The following CLDN10 variants were observed in gnomAD, a reference collection of about 807,000 sequenced individuals.
CLDN10 encodes claudin-10.
Under a neutral mutation model 22.9 loss-of-function variants are expected in CLDN10, and 15 were observed. The ratio of observed to expected loss-of-function variants is 0.65; its 90% CI spans 0.44 to 1.01. The LOEUF is 1.01. CLDN10 is among the 50% of genes least tolerant of loss of function. The probability of loss-of-function intolerance (pLI) is 0.00; values close to 1 mark genes in which losing one functional copy is unlikely to be tolerated. For missense variants in CLDN10, 247 were observed against 287.8 expected (o/e 0.86, Z 1.03); for synonymous variants, 114 against 111.4 (o/e 1.02, Z -0.15).
intron 1 of CLDN10, among the ~76,000 whole-genome samples, chr13:95,488,294 G>A (rs541436919): frequency 1.3e-4 from 19 of 149,376 alleles, no homozygotes; most frequent in South Asian, 4.3e-4. Context: ...CACCCACCTC[G>A]GCCTCCCAAT....
Position 95,574,507 on chromosome 13 carries a change from C to T in CLDN10, c.465-2724C>T, listed in dbSNP as rs144150321. On this transcript the variant is annotated intron_variant, in intron 3 of 4. Transcript: ENST00000299339. Reference sequence around the variant, plus strand: ...AAAAAGGGCCACGTGTGGTGGTTCACACCTGTAATCTCAGCCCTTTAGGAG... The same window carrying T: ...AAAAAGGGCCACGTGTGGTGGTTCATACCTGTAATCTCAGCCCTTTAGGAG... 2.0e-3 allele frequency among the ~76,000 whole-genome samples: 301 copies of T among 152,310 alleles called. 3 individuals carry two copies. The highest frequency in any genetic ancestry group is 7.0e-3 in the African/African-American group (289 of 41,562).
At chr13:95,459,551 C>A (rs4773906) in intron 1 of CLDN10, among the ~76,000 whole-genome samples, 96,266 of 152,178 alleles carry the variant, frequency 0.63, 32,602 homozygotes, top group African/African-American at 0.89. Flanking sequence ...CAATGGTCTG[C>A]GCTGTACATT....
chr13:95,530,302 G>A (rs1379363731), intron 1 of CLDN10, among the ~76,000 whole-genome samples: 2 of 152,222 alleles, frequency 1.3e-5, no homozygotes, highest in Non-Finnish European at 2.9e-5. Flanking sequence ...ACTTTGGGAT[G>A]TGAGAGATGT....
chr13:95,577,993 T>G lies in CLDN10; in HGVS notation c.666T>G (p.Phe222Leu), dbSNP rs1429577826. 6.2e-7 allele frequency: 1 copy of G among 1,610,426 alleles called. No individual in the cohort carries two copies. The highest frequency in any genetic ancestry group is 1.1e-5 in the South Asian group (1 of 90,826). Residue 222 changes from phenylalanine (F) to leucine (L), a missense_variant, in exon 5 of 5, where the codon TTT becomes TTG. By Grantham distance (22) the Phe-to-Leu change is conservative (BLOSUM62 0). Transcript: ENST00000299339. ...DFKTTNPSKQ[F>L]DKNAYV ...AAACAACAAACCCTTCAAAACAGTTTGATAAAAATGCTTATGTCTAAAAGA... is the reference window on the plus strand; with the variant it reads ...AAACAACAAACCCTTCAAAACAGTTGGATAAAAATGCTTATGTCTAAAAGA...
At chr13:95,517,014 CCTTCCTT>C (rs1566312357) in intron 1 of CLDN10, among the ~76,000 whole-genome samples, 47 of 142,258 alleles carry the variant, frequency 3.3e-4, no homozygotes, top group African/African-American at 1.2e-3. Context: ...TTCCTTCCTT[CCTTCCTT>C]CCTCCCTCCC....
At chr13:95,558,823 G>T (rs1251726601) in intron 1 of CLDN10, among the ~76,000 whole-genome samples, 1 of 152,132 alleles carries the variant, frequency 6.6e-6, no homozygotes, top group Non-Finnish European at 1.5e-5. Context: ...TACTCAGAAG[G>T]CTAAGGCAGG....
At chr13:95,500,127 AC>A (rs940232102) in intron 1 of CLDN10, among the ~76,000 whole-genome samples, 5 of 152,176 alleles carry the variant, frequency 3.3e-5, no homozygotes. Flanking sequence ...TGTGCCAGGC[AC>A]TGTTCTAAAA....
chr13:95,556,736 G>A (rs1452011284), intron 1 of CLDN10, among the ~76,000 whole-genome samples: 2 of 152,206 alleles, frequency 1.3e-5, no homozygotes, highest in Non-Finnish European at 2.9e-5. Context: ...CAAAGGATTT[G>A]CAGAAGTACA....
chr13:95,512,986 C>T (rs1053463043), intron 1 of CLDN10, among the ~76,000 whole-genome samples: 1 of 152,146 alleles, frequency 6.6e-6, no homozygotes, highest in Non-Finnish European at 1.5e-5. Flanking sequence ...AGTGATCCTC[C>T]CACCTCAGCC....
intron 1 of CLDN10, among the ~76,000 whole-genome samples, chr13:95,537,475 G>A (rs1288881317): frequency 6.6e-6 from 1 of 152,144 alleles, no homozygotes; most frequent in Non-Finnish European, 1.5e-5. Flanking sequence ...TTCTGATGGG[G>A]ATGATATGCC....
At chr13:95,531,666 A>G (rs1405576837) in intron 1 of CLDN10, among the ~76,000 whole-genome samples, 1 of 150,326 alleles carries the variant, frequency 6.7e-6, no homozygotes, top group African/African-American at 2.4e-5. Flanking sequence ...AGTAACTGAG[A>G]CTACAGGCGC....
At chr13:95,449,032 C>T (rs1014528212) in intron 1 of CLDN10, among the ~76,000 whole-genome samples, 1 of 152,038 alleles carries the variant, frequency 6.6e-6, no homozygotes. Flanking sequence ...AACCACCGTG[C>T]CCCGTTCCAC....
chr13:95,497,952 T>G (rs1430426485), intron 1 of CLDN10, among the ~76,000 whole-genome samples: 1 of 152,212 alleles, frequency 6.6e-6, no homozygotes, highest in East Asian at 1.9e-4. Context: ...AACATTTTTC[T>G]TTAAAATAAA....
At chr13:95,537,791 T>C (rs114521605) in intron 1 of CLDN10, among the ~76,000 whole-genome samples, 2,342 of 152,316 alleles carry the variant, frequency 0.015, 64 homozygotes, top group African/African-American at 0.053. Flanking sequence ...GCGGTAGCCA[T>C]GAACACTCAC....
chr13:95,543,513 A>G (rs1566327728), intron 1 of CLDN10, among the ~76,000 whole-genome samples: 1 of 152,198 alleles, frequency 6.6e-6, no homozygotes, highest in African/African-American at 2.4e-5. Flanking sequence ...CCAGGTAGCA[A>G]AACAAACTAA....
intron 1 of CLDN10, among the ~76,000 whole-genome samples, chr13:95,545,142 T>C (rs943493849): frequency 3.2e-4 from 49 of 152,184 alleles, no homozygotes; most frequent in Non-Finnish European, 4.4e-5. Flanking sequence ...CAAACTCAGA[T>C]AATTTTTCAG....
chr13:95,491,373 A>T (rs4338657), intron 1 of CLDN10, among the ~76,000 whole-genome samples: 64,689 of 150,966 alleles, frequency 0.43, 14,715 homozygotes, highest in Non-Finnish European at 0.5. Context: ...TCTTTTTTCT[A>T]GGTCTTTGTT....
At chr13:95,571,612 G>A (rs1285918220) in intron 3 of CLDN10, among the ~76,000 whole-genome samples, 1 of 152,100 alleles carries the variant, frequency 6.6e-6, no homozygotes, top group Non-Finnish European at 1.5e-5. Context: ...CATAACTGGG[G>A]CCCCAAAAGA....
At chr13:95,542,954 G>A (rs993861883) in intron 1 of CLDN10, among the ~76,000 whole-genome samples, 2 of 151,950 alleles carry the variant, frequency 1.3e-5, no homozygotes, top group African/African-American at 4.8e-5. Context: ...CCTTTAGGCT[G>A]GGCATGATGG....
Sources: gnomAD v4.1 joint callset for allele counts (sites outside exome capture counted in the v4.1 genomes callset) on GRCh38, gnomAD v4.1.1 for gene constraint, MANE v1.5 for transcripts, NCBI Gene and HGNC (gene_info 2026-07-23, HGNC 2026-07-21) for gene names.